The following ERC2 variants were observed in gnomAD, a reference collection of about 807,000 sequenced individuals.
ERC2 encodes the protein ERC protein 2.
A neutral mutation model predicts 114.8 loss-of-function variants in ERC2; 42 were observed. The observed-to-expected ratio is 0.37, with a 90% CI of 0.29 to 0.47. The LOEUF (loss-of-function observed/expected upper bound fraction) is 0.47. Ranked by LOEUF, ERC2 falls within the 20% of genes least tolerant of loss-of-function variation. The pLI is 0.99. For missense variants in ERC2, 939 were observed against 1,150.7 expected (o/e 0.82, Z 2.66); for synonymous variants, 454 against 425.5 (o/e 1.07, Z -0.82).
intron 2 of ERC2, among the ~76,000 whole-genome samples, chr3:56,340,542 A>G (rs934669294): frequency 2.4e-4 from 34 of 141,518 alleles, no homozygotes; most frequent in East Asian, 1.1e-3. Context: ...GAGAGAGTGA[A>G]TGTGTGTGTG....
intron 2 of ERC2, among the ~76,000 whole-genome samples, chr3:56,404,507 T>C (rs1576790380): frequency 6.6e-6 from 1 of 152,152 alleles, no homozygotes; most frequent in Non-Finnish European, 1.5e-5. Flanking sequence ...TAAGACCCAG[T>C]ATATGATAAC....
At chr3:56,058,827 CAT>C (rs1185312209) in intron 7 of ERC2, among the ~76,000 whole-genome samples, 6 of 152,220 alleles carry the variant, frequency 3.9e-5, no homozygotes, top group South Asian at 2.1e-4. Flanking sequence ...CCCATAATCA[CAT>C]GAGCCAATTT....
chr3:55,827,283 A>G (rs2060363763), intron 14 of ERC2, among the ~76,000 whole-genome samples: 1 of 149,798 alleles, frequency 6.7e-6, no homozygotes, highest in African/African-American at 2.5e-5. Context: ...AAGAGAGGAG[A>G]AAAAGAAAAA....
At chr3:55,581,107 T>A (rs2057239137) in intron 17 of ERC2, among the ~76,000 whole-genome samples, 1 of 152,182 alleles carries the variant, frequency 6.6e-6, no homozygotes, top group Non-Finnish European at 1.5e-5. Flanking sequence ...TAGGGGGCAG[T>A]GCTGGGTGAC....
At chr3:55,788,991 A>G (rs34224277) in intron 14 of ERC2, among the ~76,000 whole-genome samples, 14,178 of 152,208 alleles carry the variant, frequency 0.093, 841 homozygotes, top group Middle Eastern at 0.14. Context: ...CTCTAACACC[A>G]CAGACTAGTT....
At chr3:55,886,223 G>T (rs2063341550) in intron 14 of ERC2, among the ~76,000 whole-genome samples, 1 of 152,104 alleles carries the variant, frequency 6.6e-6, no homozygotes, top group African/African-American at 2.4e-5. Flanking sequence ...ATTGGCTATT[G>T]TTGATAAATT....
At chr3:55,938,513 G>A (rs554975178) in intron 13 of ERC2, among the ~76,000 whole-genome samples, 60 of 152,290 alleles carry the variant, frequency 3.9e-4, no homozygotes, top group Non-Finnish European at 7.3e-4. Context: ...TGCAAGATGA[G>A]TAAAAGGTAA....
At chr3:55,881,988 A>G (rs1293505036) in intron 14 of ERC2, among the ~76,000 whole-genome samples, 1 of 152,222 alleles carries the variant, frequency 6.6e-6, no homozygotes, top group Admixed American at 6.5e-5. Flanking sequence ...ACCAATAAAG[A>G]CCAGACTGAA....
intron 12 of ERC2, among the ~76,000 whole-genome samples, chr3:55,966,636 C>G (rs769183846): frequency 2.0e-5 from 3 of 152,168 alleles, no homozygotes; most frequent in Non-Finnish European, 4.4e-5. Flanking sequence ...TAGAGGGAGG[C>G]AGTGCTGGAG....
At chr3:56,048,228 A>G (rs1453844798) in intron 7 of ERC2, among the ~76,000 whole-genome samples, 1 of 152,228 alleles carries the variant, frequency 6.6e-6, no homozygotes, top group Non-Finnish European at 1.5e-5. Context: ...CAGAGGGGGC[A>G]GGAAGAAGCT....
chr3:56,116,078 C>G (rs1042177729), intron 6 of ERC2, among the ~76,000 whole-genome samples: 11 of 152,190 alleles, frequency 7.2e-5, no homozygotes, highest in South Asian at 6.2e-4. Context: ...CCTGACCGAC[C>G]CTAGTGCTTT....
At chr3:55,948,852 C>A (rs1051964193) in intron 13 of ERC2, among the ~76,000 whole-genome samples, 1 of 152,124 alleles carries the variant, frequency 6.6e-6, no homozygotes, top group East Asian at 1.9e-4. Context: ...GTAAACAAAT[C>A]GTTTTTAATG....
At chr3:56,306,087 G>A (rs1003507457) in intron 2 of ERC2, among the ~76,000 whole-genome samples, 3 of 152,006 alleles carry the variant, frequency 2.0e-5, no homozygotes, top group Non-Finnish European at 2.9e-5. Flanking sequence ...GACCTCAAGT[G>A]ATCCTCCCGC....
At chr3:55,786,902 T>A (rs1031592289) in intron 14 of ERC2, among the ~76,000 whole-genome samples, 2 of 152,126 alleles carry the variant, frequency 1.3e-5, no homozygotes, top group Non-Finnish European at 2.9e-5. Context: ...TCTACTCAGC[T>A]AGTGCCCCAG....
intron 1 of ERC2, among the ~76,000 whole-genome samples, chr3:56,435,610 G>T (rs899408504): frequency 1.3e-5 from 2 of 152,102 alleles, no homozygotes; most frequent in African/African-American, 4.8e-5. Context: ...CAAATATTTG[G>T]CATTCATGTT....
chr3:56,251,680 A>G (rs2052165013), intron 3 of ERC2, among the ~76,000 whole-genome samples: 2 of 152,250 alleles, frequency 1.3e-5, no homozygotes, highest in Admixed American at 6.5e-5. Flanking sequence ...GGATTCTGCC[A>G]TCAAATGCAT....
In ERC2 at chr3:56,049,816, ATATG is replaced by A. The variant is rs1428534342; in HGVS notation, c.1642-30789_1642-30786del. 6.9e-5 allele frequency among the ~76,000 whole-genome samples: 8 copies of A among 115,654 alleles called. No individual in the cohort carries two copies. In the East Asian group the frequency reaches 8.1e-4, roughly 12 times the overall value. The allele number at this position is 115,654 out of a possible 152,430, so 75.9% of individuals were successfully genotyped here. On this transcript the variant is annotated intron_variant, in intron 7 of 17. Coordinates refer to ENST00000288221, the MANE Select transcript of ERC2 (RefSeq NM_015576.3). ...ATGCTACTTAATAAACTCCCATCAT[ATATG>A]TGTGTGTGTGTGTGTGTGTGTGTGT...
chr3:56,313,720 T>C (rs2056731934), intron 2 of ERC2, among the ~76,000 whole-genome samples: 1 of 152,160 alleles, frequency 6.6e-6, no homozygotes, highest in Non-Finnish European at 1.5e-5. Context: ...GGATGGAGTA[T>C]AGAATTAGCC....
chr3:55,530,682 G>T (rs777496712), intron 17 of ERC2, among the ~76,000 whole-genome samples: 1 of 152,200 alleles, frequency 6.6e-6, no homozygotes, highest in Non-Finnish European at 1.5e-5. Context: ...TTCTCCATGC[G>T]TTAGGCTGGG....
Sources: gnomAD v4.1 joint callset for allele counts (sites outside exome capture counted in the v4.1 genomes callset) on GRCh38, gnomAD v4.1.1 for gene constraint, MANE v1.5 for transcripts, NCBI Gene and HGNC (gene_info 2026-07-23, HGNC 2026-07-21) for gene names.